Variants in RHOA observed in about 807,000 individuals in gnomAD.
The protein encoded by RHOA is ras homolog family member A, also known as transforming protein RhoA.
In RHOA, 3 loss-of-function variants were observed where a neutral mutation model predicts 17.5. The ratio of observed to expected loss-of-function variants is 0.17; its 90% CI spans 0.08 to 0.44. The LOEUF (loss-of-function observed/expected upper bound fraction) is 0.44, where lower values mean the gene tolerates loss of function less well. RHOA is among the 20% of genes least tolerant of loss of function. The pLI, the probability that RHOA is intolerant of heterozygous loss-of-function variation, is 0.99. For synonymous variants in RHOA, 98 were observed against 88.4 expected (o/e 1.11, Z -0.61); for missense variants, 56 against 242.3 (o/e 0.23, Z 5.10).
intron 1 of RHOA, among the ~76,000 whole-genome samples, chr3:49,397,854 G>C (rs2048644298): frequency 6.6e-6 from 1 of 152,122 alleles, no homozygotes; most frequent in African/African-American, 2.4e-5. Context: ...AGCTGATAGA[G>C]GCAAGGAAAG....
At chr3:49,408,329 CAT>C (rs1346215822) in intron 1 of RHOA, among the ~76,000 whole-genome samples, 1 of 150,728 alleles carries the variant, frequency 6.6e-6, no homozygotes, top group Non-Finnish European at 1.5e-5. Flanking sequence ...CTTAAATATA[CAT>C]ACTCATCCTC....
intron 1 of RHOA, among the ~76,000 whole-genome samples, chr3:49,408,558 C>CT (rs1559522231): frequency 6.6e-6 from 1 of 152,142 alleles, no homozygotes; most frequent in Non-Finnish European, 1.5e-5. Context: ...TCACTTAATA[C>CT]TACAGCTCCA....
chr3:49,398,629 C>T lies in RHOA; in HGVS notation c.-3+13191G>A, dbSNP rs558559863. Among the ~76,000 whole-genome samples, 5 of 150,202 alleles carry T rather than the reference C, an allele frequency of 3.3e-5. No individual in the cohort carries two copies. The East Asian group carries it at 9.9e-4, about 30-fold the overall frequency. On this transcript the variant is annotated intron_variant, in intron 1 of 4. Coordinates refer to ENST00000418115, the MANE Select transcript of RHOA (RefSeq NM_001664.4). ...ACGAGGTCAGGAGATCGAGACCATCCTGGCTAAAACACCATGAAACCCCGT... is the reference window on the plus strand; with the variant it reads ...ACGAGGTCAGGAGATCGAGACCATCTTGGCTAAAACACCATGAAACCCCGT...
At chr3:49,387,004 C>G (rs1286421911) in intron 1 of RHOA, among the ~76,000 whole-genome samples, 1 of 150,830 alleles carries the variant, frequency 6.6e-6, no homozygotes, top group Non-Finnish European at 1.5e-5. Flanking sequence ...GTAATCCCAG[C>G]TACTCAGGAG....
At chr3:49,360,435 G>T (rs2047945873) in intron 4 of RHOA, 53 bp from the exon 5 acceptor site, 1 of 1,519,262 alleles carries the variant, frequency 6.6e-7, no homozygotes, top group East Asian at 2.3e-5. Context: ...CATACATATA[G>T]TAAGTAAAAA....
chr3:49,360,983 G>GA (rs1447052888), intron 4 of RHOA: 1 of 301,270 alleles, frequency 3.3e-6, no homozygotes, highest in Non-Finnish European at 6.8e-6. Flanking sequence ...TGAGGCAGGG[G>GA]AATCGCTTAA....
At chr3:49,396,119 G>GA (rs1189951617) in intron 1 of RHOA, among the ~76,000 whole-genome samples, 1 of 152,164 alleles carries the variant, frequency 6.6e-6, no homozygotes. Flanking sequence ...CACATTACAA[G>GA]AAAAGAGTCC....
At chr3:49,400,411 G>A (rs1431649570) in intron 1 of RHOA, among the ~76,000 whole-genome samples, 1 of 151,908 alleles carries the variant, frequency 6.6e-6, no homozygotes, top group Non-Finnish European at 1.5e-5. Flanking sequence ...TCATTTTAAA[G>A]GCCAAGAGTT....
intron 1 of RHOA, among the ~76,000 whole-genome samples, chr3:49,411,161 A>T (rs1048525983): frequency 1.3e-5 from 2 of 151,948 alleles, no homozygotes; most frequent in East Asian, 3.8e-4. Flanking sequence ...TTTTTTCCAA[A>T]TGGAAAATAC....
At chr3:49,377,588 T>C (rs2048249796) in intron 1 of RHOA, among the ~76,000 whole-genome samples, 1 of 139,844 alleles carries the variant, frequency 7.2e-6, no homozygotes, top group Non-Finnish European at 1.5e-5. Context: ...AGTGAGACAC[T>C]GTCTCTAAAA....
intron 1 of RHOA, among the ~76,000 whole-genome samples, chr3:49,401,337 A>G (rs2048721460): frequency 6.6e-6 from 1 of 151,956 alleles, no homozygotes; most frequent in South Asian, 2.1e-4. Context: ...TGGGCAATAC[A>G]GTGAGACCTC....
intron 1 of RHOA, among the ~76,000 whole-genome samples, chr3:49,388,872 T>A (rs926629724): frequency 6.6e-6 from 1 of 152,182 alleles, no homozygotes; most frequent in African/African-American, 2.4e-5. Flanking sequence ...GTTATAGCCA[T>A]ACAGTGGAGT....
rs2047932367 is a variant in RHOA at position 49,359,915 on chromosome 3, T to G, written c.*294A>C. ...TAATTCACAAAAGTTACCAACTGTT[T>G]CTCTTTCTAGAAAGAAGCAAGAAGT... On this transcript the variant is annotated 3_prime_UTR_variant, in exon 5 of 5. Transcript: ENST00000418115. 2.8e-6 allele frequency: 1 copy of G among 356,148 alleles called. No individual in the cohort carries two copies. The highest frequency in any genetic ancestry group is 4.5e-5 in the Admixed American group (1 of 22,418). 22.1% of individuals were successfully genotyped at this position (356,148 alleles called of 1,614,324 possible).
chr3:49,371,891 A>C (rs2048152440), intron 2 of RHOA, among the ~76,000 whole-genome samples: 1 of 152,178 alleles, frequency 6.6e-6, no homozygotes, highest in Non-Finnish European at 1.5e-5. Context: ...TTTCCAAGAG[A>C]ACCAAAGAGC....
At chr3:49,379,757 C>G (rs1258141209) in intron 1 of RHOA, among the ~76,000 whole-genome samples, 2 of 152,182 alleles carry the variant, frequency 1.3e-5, no homozygotes, top group Non-Finnish European at 2.9e-5. Context: ...GTCAAGCGAT[C>G]CTCCTGCCTG....
At position 49,360,244 on chromosome 3, in the gene RHOA, G is replaced by A. The variant is rs2107825902; in HGVS notation, c.547C>T (p.Arg183Cys). 3 of 1,613,692 alleles carry A rather than the reference G, an allele frequency of 1.9e-6. No individual in the cohort carries two copies. Among genetic ancestry groups the A allele is most frequent in the Non-Finnish European group, 2.5e-6 (3 of 1,179,894 alleles). Residue 183 changes from arginine (R) to cysteine (C), a missense_variant, in exon 5 of 5, where the codon CGT (arginine) becomes TGT (cysteine). By Grantham distance (180) the Arg-to-Cys change is radical. This residue lies in a region of RHOA where 39 missense variants were observed against 86.0 expected (regional missense o/e 0.45). Coordinates refer to ENST00000418115, the MANE Select transcript of RHOA (RefSeq NM_001664.4). ...MATRAALQAR[R>C]GKKKSGCLVL Reference sequence around the variant, plus strand: ...AGGCACCCAGATTTTTTCTTCCCACGTCTAGCTTGCAGAGCAGCTCTCGTA... The same window carrying A: ...AGGCACCCAGATTTTTTCTTCCCACATCTAGCTTGCAGAGCAGCTCTCGTA...
At chr3:49,367,490 A>G (rs2048078543) in intron 3 of RHOA, among the ~76,000 whole-genome samples, 1 of 151,952 alleles carries the variant, frequency 6.6e-6, no homozygotes, top group Non-Finnish European at 1.5e-5. Flanking sequence ...CAAAAAAAAG[A>G]AAGTCTTTCC....
chr3:49,394,258 C>G (rs764663415), intron 1 of RHOA, among the ~76,000 whole-genome samples: 1 of 152,168 alleles, frequency 6.6e-6, no homozygotes, highest in Non-Finnish European at 1.5e-5. Context: ...CCTGCCTCAG[C>G]CTCCCGAAGT....
At chr3:49,377,470 C>T (rs751161250) in intron 1 of RHOA, among the ~76,000 whole-genome samples, 1 of 151,886 alleles carries the variant, frequency 6.6e-6, no homozygotes, top group African/African-American at 2.4e-5. Context: ...GTGGTGCATG[C>T]TAATCACAGT....
Sources: gnomAD v4.1 joint callset for allele counts (sites outside exome capture counted in the v4.1 genomes callset) on GRCh38, gnomAD v4.1.1 for gene constraint, gnomAD v4.1.1 regional missense constraint, MANE v1.5 for transcripts, NCBI Gene and HGNC (gene_info 2026-07-23, HGNC 2026-07-21) for gene names.